AGPAT5: variants seen among roughly 807,000 people sequenced by gnomAD.
AGPAT5 encodes the protein 1-acyl-sn-glycerol-3-phosphate acyltransferase epsilon.
AGPAT5 carries 46 observed loss-of-function variants against 45.6 expected under a neutral mutation model. The ratio of observed to expected loss-of-function variants is 1.01; its 90% CI spans 0.80 to 1.29. The LOEUF is 1.29. AGPAT5 is among the 50% of genes most tolerant of loss of function. AGPAT5 has a pLI of 0.00. For missense variants in AGPAT5, 673 were observed against 450.7 expected, an observed-to-expected ratio of 1.49 and a Z score of -4.47; for synonymous variants, 272 against 167.0, an observed-to-expected ratio of 1.63 and a Z score of -4.85.
At chr8:6,733,239 G>C (rs975203154) in intron 4 of AGPAT5, among the ~76,000 whole-genome samples, 2 of 152,190 alleles carry the variant, frequency 1.3e-5, no homozygotes, top group Admixed American at 6.5e-5. Flanking sequence ...GATCACCGGG[G>C]CGACTTGGGC....
Position 6,712,571 on chromosome 8 carries a change from C to T in AGPAT5, c.219+3684C>T, listed in dbSNP as rs377457413. Among the ~76,000 whole-genome samples, 54 of 152,174 alleles carry T rather than the reference C, an allele frequency of 3.5e-4. 1 individual carries two copies. In the South Asian group the frequency reaches 0.011, roughly 30 times the overall value. ...TCAGAGTAAGAGGCCGTATATATATCCTTGAGCTGGAGTTTAAGGAAAACT... is the reference window on the plus strand; with the variant it reads ...TCAGAGTAAGAGGCCGTATATATATTCTTGAGCTGGAGTTTAAGGAAAACT... On this transcript the variant is annotated intron_variant, in intron 1 of 7. Coordinates refer to ENST00000285518, the MANE Select transcript of AGPAT5 (RefSeq NM_018361.5).
At chr8:6,711,907 T>C (rs1021401349) in intron 1 of AGPAT5, among the ~76,000 whole-genome samples, 14 of 152,240 alleles carry the variant, frequency 9.2e-5, no homozygotes, top group Admixed American at 3.9e-4. Flanking sequence ...CCCACCTGGA[T>C]ATTCCGGGAT....
chr8:6,749,837 C>G (rs1178799105), intron 6 of AGPAT5, among the ~76,000 whole-genome samples: 1 of 152,234 alleles, frequency 6.6e-6, no homozygotes, highest in Non-Finnish European at 1.5e-5. Context: ...ATCATGTCCC[C>G]TCCTGTCTAA....
At chr8:6,735,886 G>A (rs904671350) in intron 4 of AGPAT5, among the ~76,000 whole-genome samples, 8 of 127,336 alleles carry the variant, frequency 6.3e-5, no homozygotes, top group Middle Eastern at 5.2e-3. Context: ...TTGGAGTCTC[G>A]GTCTGTCACC....
intron 1 of AGPAT5, among the ~76,000 whole-genome samples, chr8:6,716,434 G>T (rs185916124): frequency 6.6e-6 from 1 of 152,194 alleles, no homozygotes; most frequent in African/African-American, 2.4e-5. Flanking sequence ...GGTGGTGTGT[G>T]CCTGTAGTCC....
Position 6,715,478 on chromosome 8 carries a change from G to C in AGPAT5, c.219+6591G>C, listed in dbSNP as rs563658206. ...TAACACACTCAGTCGCAGTTAGTGA[G>C]TGCTGCTGTGTGCAAGTATTGTTCT... On this transcript the variant is annotated intron_variant, in intron 1 of 7. Coordinates refer to ENST00000285518, the MANE Select transcript of AGPAT5 (RefSeq NM_018361.5). Among the ~76,000 whole-genome samples the C allele has an allele frequency of 7.9e-5, 12 of 152,342 alleles. 1 individual carries two copies. The South Asian group carries it at 2.3e-3, about 29-fold the overall frequency.
intron 3 of AGPAT5, among the ~76,000 whole-genome samples, chr8:6,732,211 A>G (rs113652348): frequency 2.0e-5 from 3 of 152,298 alleles, no homozygotes; most frequent in African/African-American, 7.2e-5. Context: ...TGACTCTGTA[A>G]TAAGTGGGTG....
At chr8:6,726,567 C>A (rs1239040530) in intron 2 of AGPAT5, among the ~76,000 whole-genome samples, 1 of 152,084 alleles carries the variant, frequency 6.6e-6, no homozygotes, top group African/African-American at 2.4e-5. Context: ...AATTTGTGTG[C>A]TTACTACATG....
At chr8:6,712,721 A>G (rs1441296833) in intron 1 of AGPAT5, among the ~76,000 whole-genome samples, 2 of 152,248 alleles carry the variant, frequency 1.3e-5, no homozygotes, top group South Asian at 2.1e-4. Flanking sequence ...ATGTTAGTTT[A>G]TAGCCTAGAA....
At chr8:6,753,904 A>G (rs1331120601) in intron 6 of AGPAT5, among the ~76,000 whole-genome samples, 3 of 152,218 alleles carry the variant, frequency 2.0e-5, no homozygotes, top group African/African-American at 7.2e-5. Flanking sequence ...ACTGAAGTCA[A>G]GAAGAGCAGT....
intron 7 of AGPAT5, 28 bp downstream of exon 7, chr8:6,755,202 G>A (rs770440658): frequency 1.3e-5 from 20 of 1,583,526 alleles, no homozygotes; most frequent in Admixed American, 6.1e-5. Context: ...CAGCACTTCC[G>A]GAACTTCGGT....
chr8:6,732,416 A>G, intron 3 of AGPAT5, 145 bp from the exon 4 acceptor site: 1 of 501,428 alleles, frequency 2.0e-6, no homozygotes, highest in Non-Finnish European at 3.4e-6. Flanking sequence ...TTTAGAAGCT[A>G]ATGTTTGAAG....
intron 1 of AGPAT5, among the ~76,000 whole-genome samples, chr8:6,716,326 A>G (rs530968703): frequency 1.3e-5 from 2 of 152,152 alleles, no homozygotes; most frequent in South Asian, 2.1e-4. Flanking sequence ...TGGGAGGCCA[A>G]GGAGGGTGGA....
rs557322845 is a variant in AGPAT5 at position 6,732,478 on chromosome 8, G to A, written c.406-83G>A. 1.1e-5 allele frequency: 11 copies of A among 978,602 alleles called. No individual in the cohort carries two copies. In the African/African-American group the frequency reaches 1.3e-4, roughly 12 times the overall value. The allele number at this position is 978,602 out of a possible 1,614,324, so 60.6% of individuals were successfully genotyped here. On this transcript the variant is annotated intron_variant, in intron 3 of 7. Transcript: ENST00000285518. ...ATGTAGTTTTCATTCTGTACTTTTT[G>A]CAAGAGAAGTTGCCTTTTTGATGAC...
chr8:6,717,773 A>T (rs1266973389), intron 1 of AGPAT5, among the ~76,000 whole-genome samples: 1 of 151,970 alleles, frequency 6.6e-6, no homozygotes, highest in East Asian at 1.9e-4. Flanking sequence ...ATAGGAATAA[A>T]TTTTTTGTTG....
chr8:6,711,552 A>T (rs1403783327), intron 1 of AGPAT5, among the ~76,000 whole-genome samples: 1 of 152,198 alleles, frequency 6.6e-6, no homozygotes, highest in Admixed American at 6.5e-5. Flanking sequence ...AATCCAGTTA[A>T]GTCTCTCTAC....
At chr8:6,718,941 A>AT (rs1189763692) in intron 1 of AGPAT5, among the ~76,000 whole-genome samples, 1 of 152,250 alleles carries the variant, frequency 6.6e-6, no homozygotes, top group Non-Finnish European at 1.5e-5. Context: ...GAATTGCACT[A>AT]TGCAAGGGAT....
chr8:6,713,012 A>C (rs985249670), intron 1 of AGPAT5, among the ~76,000 whole-genome samples: 1 of 152,182 alleles, frequency 6.6e-6, no homozygotes, highest in Admixed American at 6.5e-5. Context: ...GGTTTTTTTG[A>C]GTCAGGGTCT....
intron 1 of AGPAT5, among the ~76,000 whole-genome samples, chr8:6,712,508 A>G (rs1800187842): frequency 6.6e-6 from 1 of 152,170 alleles, no homozygotes; most frequent in Non-Finnish European, 1.5e-5. Flanking sequence ...CCCTATCTAT[A>G]GGATAGGAAG....
Sources: allele counts gnomAD v4.1 joint callset (sites outside exome capture counted in the v4.1 genomes callset), GRCh38; gene constraint gnomAD v4.1.1; transcripts MANE v1.5; gene names NCBI Gene and HGNC (gene_info 2026-07-23, HGNC 2026-07-21).